INF2: variants seen among roughly 807,000 people sequenced by gnomAD.
INF2 encodes the protein inverted formin 2.
A neutral mutation model predicts 123.5 loss-of-function variants in INF2; 43 were observed. The observed-to-expected ratio is 0.35, with a 90% CI of 0.27 to 0.45. INF2 has a LOEUF of 0.45. Ranked by LOEUF, INF2 falls within the 20% of genes least tolerant of loss-of-function variation. The probability of loss-of-function intolerance (pLI) is 1.00; values close to 1 mark genes in which losing one functional copy is unlikely to be tolerated. For missense variants in INF2, 1,453 were observed against 1,682.7 expected, an observed-to-expected ratio of 0.86 and a Z score of 2.39; for synonymous variants, 851 against 745.0, an observed-to-expected ratio of 1.14 and a Z score of -2.32.
At chr14:104,712,606 G>A (rs1477019662) in intron 17 of INF2, 53 bp downstream of exon 17, 6 of 1,610,018 alleles carry the variant, frequency 3.7e-6, no homozygotes, top group African/African-American at 1.3e-5. Flanking sequence ...CTGATAGAGT[G>A]AGCTGGGCGA....
intron 7 of INF2, 96 bp from the exon 8 acceptor site, chr14:104,707,157 A>G: frequency 6.6e-7 from 1 of 1,510,044 alleles, no homozygotes; most frequent in East Asian, 2.4e-5. Flanking sequence ...TCCTCTGCCC[A>G]GGGGAGGTGG....
chr14:104,715,376 G>T, intron 22 of INF2, 36 bp downstream of exon 22: 1 of 1,585,748 alleles, frequency 6.3e-7, no homozygotes, highest in Non-Finnish European at 8.7e-7. Flanking sequence ...GGGGCTAACA[G>T]CAGCTGCAGG....
chr14:104,718,482 T>G (rs1890419049), intron 22 of INF2, among the ~76,000 whole-genome samples: 2 of 150,910 alleles, frequency 1.3e-5, no homozygotes, highest in African/African-American at 2.4e-5. Context: ...AAGGACAGAG[T>G]GCAGCCTGGG....
rs1218507128 is a variant in INF2 at position 104,721,753 on chromosome 14, G to A, written c.*2960G>A. 6.6e-6 allele frequency: 1 copy of A among 152,290 alleles called. No homozygotes were observed. Among genetic ancestry groups the A allele is most frequent in the African/African-American group, 2.4e-5 (1 of 41,442 alleles). 9.4% of individuals were successfully genotyped at this position (152,290 alleles called of 1,614,324 possible). A position where few individuals can be genotyped will look rare whatever the true frequency, so the allele number is the denominator to read the frequency against. On this transcript the variant is annotated 3_prime_UTR_variant, in exon 23 of 23. Transcript: ENST00000392634. ...CTGGAGAGGTGGGACTGGGGACCCTGTGACAGGAGGAGCTGCCCTTCCTGG... is the reference window on the plus strand; with the variant it reads ...CTGGAGAGGTGGGACTGGGGACCCTATGACAGGAGGAGCTGCCCTTCCTGG...
upstream of INF2, chr14:104,689,275 C>T (rs1046091269): frequency 1.0e-6 from 1 of 984,602 alleles, no homozygotes; most frequent in East Asian, 1.1e-4. Context: ...CCAGTCCCAC[C>T]GGAGGATAGG....
Position 104,707,038 on chromosome 14 carries a change from C to G in INF2, c.972C>G (p.Leu324=). The change falls in exon 7 of 23, where the codon CTC becomes CTG. Residue 324 remains leucine, a synonymous_variant. Coordinates refer to ENST00000392634, the MANE Select transcript of INF2 (RefSeq NM_022489.4). ...AGAGCCTCGTGAACCGGGCCGTGCT[C>G]CTGGCCAGCGATGGTGAGGGGGCGG... The part of the protein sequence containing the change: ...ALESLVNRAV[L]LASDAQECTL... 1 of 1,581,844 alleles carries G rather than the reference C, an allele frequency of 6.3e-7. No homozygotes were observed. Among genetic ancestry groups the G allele is most frequent in the South Asian group, 1.1e-5 (1 of 87,904 alleles).
intron 1 of INF2, among the ~76,000 whole-genome samples, chr14:104,700,119 G>A (rs976799700): frequency 2.0e-5 from 3 of 152,256 alleles, no homozygotes; most frequent in African/African-American, 7.2e-5. Flanking sequence ...GCTCGACCCC[G>A]CTCAGCTCCC....
At chr14:104,702,992 G>A (rs372861589) in intron 2 of INF2, 113 bp from the exon 3 acceptor site, 29 of 836,590 alleles carry the variant, frequency 3.5e-5, no homozygotes, top group Middle Eastern at 2.9e-4. Context: ...ACAAGTGCCC[G>A]GCACCCCCTG....
chr14:104,705,771 C>T (rs1003922909), intron 5 of INF2, among the ~76,000 whole-genome samples: 4 of 152,120 alleles, frequency 2.6e-5, no homozygotes, highest in Non-Finnish European at 5.9e-5. Context: ...GGCATACTCG[C>T]CCTTCCCCTT....
upstream of INF2, among the ~76,000 whole-genome samples, chr14:104,687,977 G>A (rs955251463): frequency 2.6e-5 from 4 of 152,238 alleles, no homozygotes; most frequent in Non-Finnish European, 5.9e-5. This position sits in a 1 kb window ranked among gnomAD's most constrained non-coding sequence, Gnocchi z 5.6. Flanking sequence ...CCAGGGTGGG[G>A]TGGTACCAGG....
In INF2 at chr14:104,707,875, G is replaced by T. The variant is rs746159509; in HGVS notation, c.1608G>T (p.Glu536Asp). 6.2e-7 allele frequency: 1 copy of T among 1,606,478 alleles called. No homozygotes were observed. The highest frequency in any genetic ancestry group is 8.5e-7 in the Non-Finnish European group (1 of 1,179,540). The change falls in exon 8 of 23, where the codon GAG becomes GAT. Residue 536 changes from glutamate (E) to aspartate (D), a missense_variant. Glu to Asp is a conservative substitution (Grantham distance 45). Coordinates refer to ENST00000392634, the MANE Select transcript of INF2 (RefSeq NM_022489.4). ...CCCCCGTGGCGGGAGGCATGGAGGA[G>T]GTCATCGTGGCCCAGGTGGACCATG... ...CSPPVAGGMEEVIVAQVDHGL... is the reference protein window; with the variant it reads ...CSPPVAGGMEDVIVAQVDHGL...
chr14:104,696,902 C>T (rs1042670927), intron 1 of INF2, among the ~76,000 whole-genome samples: 3 of 152,010 alleles, frequency 2.0e-5, no homozygotes, highest in Non-Finnish European at 2.9e-5. Context: ...GCCAGAAGGG[C>T]GACACCACAG....
Position 104,703,412 on chromosome 14 carries a change from G to C in INF2, c.625G>C (p.Glu209Gln). ...GATCAACGCCGTCATCTTGGGCCCCGAGGACCTGCGCGCGCGCACCCAGCT... is the reference window on the plus strand; with the variant it reads ...GATCAACGCCGTCATCTTGGGCCCCCAGGACCTGCGCGCGCGCACCCAGCT... ...SVINAVILGP[E>Q]DLRARTQLRN... The change falls in exon 4 of 23, where the codon GAG (glutamate) becomes CAG (glutamine). Residue 209 changes from glutamate to glutamine, a missense_variant. By Grantham distance (29) the Glu-to-Gln change is conservative. Coordinates refer to ENST00000392634, the MANE Select transcript of INF2 (RefSeq NM_022489.4). The C allele has an allele frequency of 6.2e-7, 1 of 1,612,872 alleles. No individual in the cohort carries two copies. The highest frequency in any genetic ancestry group is 8.5e-7 in the Non-Finnish European group (1 of 1,179,942).
At chr14:104,698,570 A>G (rs1254644511) in intron 1 of INF2, among the ~76,000 whole-genome samples, 2 of 152,260 alleles carry the variant, frequency 1.3e-5, no homozygotes, top group African/African-American at 4.8e-5. Flanking sequence ...GAGATGAGAC[A>G]AAAATCACAG....
intron 21 of INF2, 134 bp from the exon 22 acceptor site, chr14:104,715,150 T>G: frequency 1.1e-6 from 1 of 885,938 alleles, no homozygotes; most frequent in Non-Finnish European, 1.9e-6. Context: ...CCATGTGGCT[T>G]AGTGGCCAGA....
At chr14:104,709,882 C>G (rs1000159404) in intron 12 of INF2, among the ~76,000 whole-genome samples, 177 bp downstream of exon 12, 1 of 152,224 alleles carries the variant, frequency 6.6e-6, no homozygotes, top group Non-Finnish European at 1.5e-5. Flanking sequence ...ACCCCCAGTC[C>G]TTCCCCTCAA....
At chr14:104,716,855 T>C (rs984907792) in intron 22 of INF2, among the ~76,000 whole-genome samples, 1 of 152,162 alleles carries the variant, frequency 6.6e-6, no homozygotes, top group Non-Finnish European at 1.5e-5. Context: ...CACGCGCGGC[T>C]AATTTTTTGT....
chr14:104,688,381 C>G (rs1888748793), upstream of INF2, among the ~76,000 whole-genome samples: 1 of 152,218 alleles, frequency 6.6e-6, no homozygotes, highest in Non-Finnish European at 1.5e-5. Flanking sequence ...AGCCAAAGGA[C>G]ACGCAGCTGG....
rs61998903 is a variant in INF2, at chr14:104,720,601, C to G, written c.*1808C>G. 1.1e-3 allele frequency: 45 copies of G among 40,562 alleles called. No individual in the cohort carries two copies. Among genetic ancestry groups the G allele is most frequent in the Middle Eastern group, 0.017 (1 of 58 alleles). 2.5% of individuals were successfully genotyped at this position (40,562 alleles called of 1,614,324 possible). On this transcript the variant is annotated 3_prime_UTR_variant, in exon 23 of 23. Transcript: ENST00000392634. ...GTAGTCTCGTGTGGATGCTGCTGTGCACGTCTGCGTCGTCCTCGTGTGGAT... is the reference window on the plus strand; with the variant it reads ...GTAGTCTCGTGTGGATGCTGCTGTGGACGTCTGCGTCGTCCTCGTGTGGAT...
Sources: gnomAD v4.1 joint callset for allele counts (sites outside exome capture counted in the v4.1 genomes callset) on GRCh38, gnomAD v4.1.1 for gene constraint, Gnocchi (gnomAD v3.1) non-coding constraint, MANE v1.5 for transcripts, NCBI Gene and HGNC (gene_info 2026-07-23, HGNC 2026-07-21) for gene names.